Variants in LARGE1 observed in about 807,000 individuals in gnomAD.
LARGE1 encodes xylosyl- and glucuronyltransferase LARGE1.
A neutral mutation model predicts 87.6 loss-of-function variants in LARGE1; 43 were observed. That is an observed-to-expected ratio of 0.49 (90% CI 0.38 to 0.63). The LOEUF is 0.63. LARGE1 is among the 30% of genes least tolerant of loss of function. The probability of loss-of-function intolerance (pLI) is 0.00; values close to 1 mark genes in which losing one functional copy is unlikely to be tolerated. For synonymous variants in LARGE1, 434 were observed against 394.6 expected, an observed-to-expected ratio of 1.10 and a Z score of -1.18; for missense variants, 802 against 1,000.2, an observed-to-expected ratio of 0.80 and a Z score of 2.67.
intron 6 of LARGE1, among the ~76,000 whole-genome samples, chr22:33,555,731 C>A (rs1214095417): frequency 1.3e-5 from 2 of 151,976 alleles, no homozygotes; most frequent in Non-Finnish European, 1.5e-5. Flanking sequence ...GATTTTGAGA[C>A]CAGCCTGGCC....
chr22:33,676,782 C>T (rs1303707737), intron 2 of LARGE1, among the ~76,000 whole-genome samples: 1 of 151,956 alleles, frequency 6.6e-6, no homozygotes, highest in African/African-American at 2.4e-5. Context: ...TTGAAAGTGG[C>T]CACCAGAGAT....
At chr22:33,190,144 A>ACAT (rs1028736794) in intron 11 of LARGE1, among the ~76,000 whole-genome samples, 9 of 150,828 alleles carry the variant, frequency 6.0e-5, no homozygotes, top group African/African-American at 2.0e-4. Flanking sequence ...TATAAACAAA[A>ACAT]CATTTTTTTT....
At chr22:33,879,219 G>GCCT (rs2064586418) in intron 1 of LARGE1, among the ~76,000 whole-genome samples, 1 of 152,168 alleles carries the variant, frequency 6.6e-6, no homozygotes, top group African/African-American at 2.4e-5. Context: ...GCCCGCCTCG[G>GCCT]CCTCCCAAAG....
In LARGE1 at chr22:33,273,811, AAAAAC is replaced by A. The variant is rs1233085899; in HGVS notation, c.*611_*615del. The A allele has an allele frequency of 2.8e-5, 11 of 396,552 alleles. No homozygotes were observed. The highest frequency in any genetic ancestry group is 2.2e-4 in the East Asian group (6 of 27,660). The allele number at this position is 396,552 out of a possible 1,614,324, so 24.6% of individuals were successfully genotyped here. ...CCAAAAATAAACAAAACCCCCAAAGAAAAACAAAACAAAACAGGAGTGACTTTGGG... is the reference window on the plus strand; with the variant it reads ...CCAAAAATAAACAAAACCCCCAAAGAAAAACAAAACAGGAGTGACTTTGGG... On this transcript the variant is annotated 3_prime_UTR_variant, in exon 15 of 15. Coordinates refer to ENST00000397394, the MANE Select transcript of LARGE1 (RefSeq NM_133642.5).
intron 2 of LARGE1, among the ~76,000 whole-genome samples, chr22:33,694,358 A>G (rs1412139696): frequency 6.6e-6 from 1 of 152,220 alleles, no homozygotes; most frequent in Non-Finnish European, 1.5e-5. Flanking sequence ...TATGAGGGTG[A>G]CAGCAATGGT....
chr22:33,909,520 T>G (rs1250501753), intron 1 of LARGE1, among the ~76,000 whole-genome samples: 1 of 138,198 alleles, frequency 7.2e-6, no homozygotes, highest in Non-Finnish European at 1.5e-5. Flanking sequence ...ACTTCTTCTT[T>G]TGTTTTTTTT....
At chr22:33,095,066 T>G in the LARGE1 span, among the ~76,000 whole-genome samples, 1 of 152,234 alleles carries the variant, frequency 6.6e-6, no homozygotes, top group Admixed American at 6.5e-5. Flanking sequence ...CTTTGCATTG[T>G]ATTATTCCTG....
At chr22:33,568,405 A>ATT (rs2078091892) in intron 5 of LARGE1, among the ~76,000 whole-genome samples, 1 of 152,192 alleles carries the variant, frequency 6.6e-6, no homozygotes, top group Admixed American at 6.5e-5. Context: ...CCTAGAAGGA[A>ATT]AAACCTCACA....
At chr22:33,634,200 C>T (rs1869938) in intron 3 of LARGE1, among the ~76,000 whole-genome samples, 7,299 of 152,272 alleles carry the variant, frequency 0.048, 534 homozygotes, top group African/African-American at 0.16. Context: ...TCTTAAAGTG[C>T]TTGTTAAGGA....
chr22:33,667,141 C>T (rs1303980533), intron 2 of LARGE1, among the ~76,000 whole-genome samples: 1 of 152,186 alleles, frequency 6.6e-6, no homozygotes, highest in African/African-American at 2.4e-5. Flanking sequence ...GTGCACACAC[C>T]CTCGCATATA....
chr22:33,155,327 C>T, the LARGE1 span, among the ~76,000 whole-genome samples: 1 of 152,162 alleles, frequency 6.6e-6, no homozygotes, highest in African/African-American at 2.4e-5. Flanking sequence ...TCCCTAGAGA[C>T]TTGGTAAATG....
intron 9 of LARGE1, among the ~76,000 whole-genome samples, chr22:33,380,767 G>A (rs750760398): frequency 3.9e-5 from 6 of 152,140 alleles, no homozygotes; most frequent in Non-Finnish European, 8.8e-5. Context: ...TTTAAAACTT[G>A]CAATGGATAT....
chr22:33,213,375 A>G (rs1925053073), intron 11 of LARGE1, among the ~76,000 whole-genome samples: 1 of 152,248 alleles, frequency 6.6e-6, no homozygotes, highest in Non-Finnish European at 1.5e-5. Flanking sequence ...TAAATGATGA[A>G]GCAGTGGCAG....
At chr22:33,069,203 G>A in the LARGE1 span, among the ~76,000 whole-genome samples, 2 of 152,142 alleles carry the variant, frequency 1.3e-5, no homozygotes, top group Non-Finnish European at 2.9e-5. Context: ...TCATTCGGCC[G>A]TCTAACAATG....
At chr22:33,597,243 T>C (rs1002439895) in intron 5 of LARGE1, among the ~76,000 whole-genome samples, 1 of 150,536 alleles carries the variant, frequency 6.6e-6, no homozygotes, top group Non-Finnish European at 1.5e-5. Flanking sequence ...GATCTCTTGT[T>C]GGGCAATTCA....
Position 33,415,499 on chromosome 22 carries a change from C to T in LARGE1, c.892+16662G>A, listed in dbSNP as rs1486721620. On this transcript the variant is annotated intron_variant, in intron 7 of 14. Coordinates refer to ENST00000397394, the MANE Select transcript of LARGE1 (RefSeq NM_133642.5). Reference sequence around the variant, plus strand: ...GGGAGGAAGCAATGGTAGAGCAACTCTTCTAGAACAGTGGCTTTTGCTCAG... The same window carrying T: ...GGGAGGAAGCAATGGTAGAGCAACTTTTCTAGAACAGTGGCTTTTGCTCAG... 2.0e-5 allele frequency among the ~76,000 whole-genome samples: 3 copies of T among 152,304 alleles called. No individual in the cohort carries two copies. The East Asian group carries it at 5.8e-4, about 29-fold the overall frequency.
At chr22:33,322,604 A>G (rs1936854926) in intron 10 of LARGE1, 1 of 152,162 alleles carries the variant, frequency 6.6e-6, no homozygotes, top group Admixed American at 6.5e-5. Context: ...GAGAGGGAGT[A>G]CTGGTCAACG....
intron 1 of LARGE1, among the ~76,000 whole-genome samples, chr22:33,890,737 C>G (rs2064981663): frequency 6.9e-6 from 1 of 145,480 alleles, no homozygotes; most frequent in South Asian, 2.2e-4. Flanking sequence ...TAAGCCAGCC[C>G]TCATAGGCAA....
At chr22:33,235,514 G>A (rs373501625) in intron 11 of LARGE1, among the ~76,000 whole-genome samples, 4 of 152,190 alleles carry the variant, frequency 2.6e-5, no homozygotes, top group Non-Finnish European at 5.9e-5. Context: ...TGCAAATGTT[G>A]GCTGAGGCTG....
Sources: gnomAD v4.1 joint callset for allele counts (sites outside exome capture counted in the v4.1 genomes callset) on GRCh38, gnomAD v4.1.1 for gene constraint, MANE v1.5 for transcripts, NCBI Gene and HGNC (gene_info 2026-07-23, HGNC 2026-07-21) for gene names.